Variants in OR5AS1 observed in about 807,000 individuals in gnomAD.
OR5AS1 encodes the protein olfactory receptor family 5 subfamily AS member 1.
For missense variants in OR5AS1, 492 were observed against 378.2 expected (o/e 1.30, Z -2.50); for synonymous variants, 196 against 141.7 (o/e 1.38, Z -2.72).
intron 1 of OR5AS1, among the ~76,000 whole-genome samples, chr11:56,028,921 G>T (rs560936679): frequency 6.6e-6 from 1 of 152,194 alleles, no homozygotes; most frequent in Non-Finnish European, 1.5e-5. Context: ...TATACATCCA[G>T]TTGTGAGGAT....
rs1268136932 is a variant in OR5AS1 at position 56,035,665 on chromosome 11, C to A, written c.*4272C>A. The A allele has an allele frequency of 6.6e-6, 1 of 152,064 alleles. No homozygotes were observed. The highest frequency in any genetic ancestry group is 2.4e-5 in the African/African-American group (1 of 41,360). The allele number at this position is 152,064 out of a possible 1,614,324, so 9.4% of individuals were successfully genotyped here. On this transcript the variant is annotated 3_prime_UTR_variant, in exon 2 of 2. Transcript: ENST00000641320. ...CAGTTCTTAGAGATCTATGAAGAGA[C>A]TTAGACTAACACACAAAAATAGTGG...
rs1220549155 is a variant in OR5AS1, at chr11:56,034,678, A to G, written c.*3285A>G. 1 of 152,148 alleles carries G rather than the reference A, an allele frequency of 6.6e-6. No homozygotes were observed. The highest frequency in any genetic ancestry group is 2.4e-5 in the African/African-American group (1 of 41,384). 9.4% of individuals were successfully genotyped at this position (152,148 alleles called of 1,614,324 possible). On this transcript the variant is annotated 3_prime_UTR_variant, in exon 2 of 2. Coordinates refer to ENST00000641320, the MANE Select transcript of OR5AS1 (RefSeq NM_001001921.2). ...GAGGGGGAGAATGGAACCAACTTGGAAAACACTCTTCAGGATATCATCCAG... is the reference window on the plus strand; with the variant it reads ...GAGGGGGAGAATGGAACCAACTTGGGAAACACTCTTCAGGATATCATCCAG...
Position 56,037,092 on chromosome 11 carries a change from C to T in OR5AS1, c.*5699C>T, listed in dbSNP as rs1375357255. On this transcript the variant is annotated 3_prime_UTR_variant, in exon 2 of 2. Coordinates refer to ENST00000641320, the MANE Select transcript of OR5AS1 (RefSeq NM_001001921.2). ...CTTCGTGCTAAAAACTCTCAATAAA[C>T]TAGGTATTGACAAACATATCTCCAA... is the stretch of plus-strand genomic sequence containing the variant. 6.6e-6 allele frequency: 1 copy of T among 152,032 alleles called. No individual in the cohort carries two copies. The highest frequency in any genetic ancestry group is 1.5e-5 in the Non-Finnish European group (1 of 68,022). 9.4% of individuals were successfully genotyped at this position (152,032 alleles called of 1,614,324 possible). A position where few individuals can be genotyped will look rare whatever the true frequency, so the allele number is the denominator to read the frequency against.
chr11:56,034,267 T>G lies in OR5AS1; in HGVS notation c.*2874T>G, dbSNP rs1224970855. On this transcript the variant is annotated 3_prime_UTR_variant, in exon 2 of 2. Coordinates refer to ENST00000641320, the MANE Select transcript of OR5AS1 (RefSeq NM_001001921.2). ...AATGAGTTTGATGAATTGATGGAAGTAATTGGGTAATAACAAATAGAAGAA... is the reference window on the plus strand; with the variant it reads ...AATGAGTTTGATGAATTGATGGAAGGAATTGGGTAATAACAAATAGAAGAA... 6.6e-6 allele frequency: 1 copy of G among 151,924 alleles called. No individual in the cohort carries two copies. The highest frequency in any genetic ancestry group is 1.5e-5 in the Non-Finnish European group (1 of 67,974). The allele number at this position is 151,924 out of a possible 1,614,324, so 9.4% of individuals were successfully genotyped here.
chr11:56,037,845 C>T lies in OR5AS1; in HGVS notation c.*6452C>T, dbSNP rs1853424593. On this transcript the variant is annotated 3_prime_UTR_variant, in exon 2 of 2. Coordinates refer to ENST00000641320, the MANE Select transcript of OR5AS1 (RefSeq NM_001001921.2). The stretch of plus-strand genomic sequence containing the variant: ...TAAGCAAAAAGAACAAAGCTGGAGG[C>T]ATCATGCTACCTGGCTTCAAACTAT... 1 of 151,978 alleles carries T rather than the reference C, an allele frequency of 6.6e-6. No homozygotes were observed. Among genetic ancestry groups the T allele is most frequent in the South Asian group, 2.1e-4 (1 of 4,826 alleles). The allele number at this position is 151,978 out of a possible 1,614,324, so 9.4% of individuals were successfully genotyped here.
rs572139786 is a variant in OR5AS1, at chr11:56,037,398, A to C, written c.*6005A>C. The C allele has an allele frequency of 1.3e-5, 2 of 152,264 alleles. No homozygotes were observed. The highest frequency in any genetic ancestry group is 1.3e-4 in the Admixed American group (2 of 15,288). The allele number at this position is 152,264 out of a possible 1,614,324, so 9.4% of individuals were successfully genotyped here. On this transcript the variant is annotated 3_prime_UTR_variant, in exon 2 of 2. Transcript: ENST00000641320. The stretch of plus-strand genomic sequence containing the variant: ...CAGGCCAAAATCTCCTTAAGCTGAT[A>C]AGCAACTTCAGCAAAATGTCAGGAT...
Position 56,027,712 on chromosome 11 carries a change from G to C in OR5AS1, c.-29G>C, listed in dbSNP as rs1408307036. 3.3e-5 allele frequency: 5 copies of C among 151,990 alleles called. No homozygotes were observed. The highest frequency in any genetic ancestry group is 5.9e-5 in the Non-Finnish European group (4 of 68,004). 9.4% of individuals were successfully genotyped at this position (151,990 alleles called of 1,614,324 possible). ...AATTCAAAGTTCTTGATGGTGCTGA[G>C]GTAAGTGATTTTTTCCCTAAAGCAT... is the stretch of plus-strand genomic sequence containing the variant. On this transcript the variant is annotated splice_region_variant and 5_prime_UTR_variant, in exon 1 of 2. Transcript: ENST00000641320.
chr11:56,029,925 C>T (rs1316477170), intron 1 of OR5AS1, among the ~76,000 whole-genome samples: 5 of 152,104 alleles, frequency 3.3e-5, no homozygotes, highest in African/African-American at 1.2e-4. Context: ...AACCTCCCAA[C>T]ATCACAGATA....
rs946953019 is a variant in OR5AS1 at position 56,037,272 on chromosome 11, G to T, written c.*5879G>T. 6.6e-6 allele frequency: 1 copy of T among 152,056 alleles called. No homozygotes were observed. Among genetic ancestry groups the T allele is most frequent in the African/African-American group, 2.4e-5 (1 of 41,344 alleles). 9.4% of individuals were successfully genotyped at this position (152,056 alleles called of 1,614,324 possible). ...TGAAAGTGCTGGCCAGGGCAATCAG[G>T]CAAGATAAAGAAATAAAGGATATTC... On this transcript the variant is annotated 3_prime_UTR_variant, in exon 2 of 2. Transcript: ENST00000641320.
chr11:56,030,119 G>T (rs972859212), intron 1 of OR5AS1, among the ~76,000 whole-genome samples: 1 of 152,048 alleles, frequency 6.6e-6, no homozygotes, highest in African/African-American at 2.4e-5. Flanking sequence ...CTTTCAGCTT[G>T]TAAAAACTAT....
chr11:56,037,472 GACAA>G lies in OR5AS1; in HGVS notation c.*6083_*6086del, dbSNP rs755589904. The G allele has an allele frequency of 1.3e-5, 2 of 152,010 alleles. No homozygotes were observed. Among genetic ancestry groups the G allele is most frequent in the African/African-American group, 2.4e-5 (1 of 41,312 alleles). 9.4% of individuals were successfully genotyped at this position (152,010 alleles called of 1,614,324 possible). A position where few individuals can be genotyped will look rare whatever the true frequency, so the allele number is the denominator to read the frequency against. ...CAAGCATTCCTATACACCAATAACA[GACAA>G]ACAGAGCCAAATCGAATGAACTGCC... On this transcript the variant is annotated 3_prime_UTR_variant, in exon 2 of 2. Transcript: ENST00000641320.
chr11:56,031,133 T>C lies in OR5AS1; in HGVS notation c.715T>C (p.Ser239Pro). The change falls in exon 2 of 2, where the codon TCC becomes CCC. Residue 239 changes from serine to proline, a missense_variant. By Grantham distance (74) the Ser-to-Pro change is moderately conservative. Transcript: ENST00000641320. Reference sequence around the variant, plus strand: ...CTCAGGTGGCAGAAGCAAAACATTCTCCACTTGTGCTTCCCACCTCATAGC... The same window carrying C: ...CTCAGGTGGCAGAAGCAAAACATTCCCCACTTGTGCTTCCCACCTCATAGC... ...KSSGGRSKTF[S>P]TCASHLIAVT... The C allele has an allele frequency of 6.2e-7, 1 of 1,614,112 alleles. No homozygotes were observed. The highest frequency in any genetic ancestry group is 8.5e-7 in the Non-Finnish European group (1 of 1,180,014).
chr11:56,027,991 T>G (rs180894210), intron 1 of OR5AS1, among the ~76,000 whole-genome samples: 3 of 152,154 alleles, frequency 2.0e-5, no homozygotes, highest in Admixed American at 2.0e-4. Flanking sequence ...CTATGCCTAT[T>G]AAGAATTTTT....
In OR5AS1 at chr11:56,037,942, A is replaced by AT. The variant is rs1853425864; in HGVS notation, c.*6550dup. The AT allele has an allele frequency of 6.6e-6, 1 of 152,112 alleles. No individual in the cohort carries two copies. Among genetic ancestry groups the AT allele is most frequent in the Non-Finnish European group, 1.5e-5 (1 of 68,028 alleles). 9.4% of individuals were successfully genotyped at this position (152,112 alleles called of 1,614,324 possible). The stretch of plus-strand genomic sequence containing the variant: ...CAGATATATAGACCAATGGAACAGA[A>AT]TAGAGGCCTCACAAATAACACCACA... On this transcript the variant is annotated 3_prime_UTR_variant, in exon 2 of 2. Coordinates refer to ENST00000641320, the MANE Select transcript of OR5AS1 (RefSeq NM_001001921.2).
At position 56,032,672 on chromosome 11, in the gene OR5AS1, T is replaced by C. The variant is rs148842715; in HGVS notation, c.*1279T>C. ...TTATATATGTAAAATTACTGGTATATGTATATGATTTGAAAATTAAATAAT... is the reference window on the plus strand; with the variant it reads ...TTATATATGTAAAATTACTGGTATACGTATATGATTTGAAAATTAAATAAT... On this transcript the variant is annotated 3_prime_UTR_variant, in exon 2 of 2. Coordinates refer to ENST00000641320, the MANE Select transcript of OR5AS1 (RefSeq NM_001001921.2). The C allele has an allele frequency of 1.7e-4, 26 of 152,262 alleles. No individual in the cohort carries two copies. In the South Asian group the frequency reaches 2.9e-3, roughly 17 times the overall value. 9.4% of individuals were successfully genotyped at this position (152,262 alleles called of 1,614,324 possible).
In OR5AS1 at chr11:56,031,092, T is replaced by C; in HGVS notation, c.674T>C (p.Val225Ala). 1.9e-6 allele frequency: 3 copies of C among 1,614,032 alleles called. No individual in the cohort carries two copies. Among genetic ancestry groups the C allele is most frequent in the Non-Finnish European group, 2.5e-6 (3 of 1,179,966 alleles). ...FISYFCILIT[V>A]LSIKSSGGRS... is the part of the protein sequence containing the mutation. ...TCTTACTTCTGCATCCTCATCACTG[T>C]GTTGAGCATCAAGTCCTCAGGTGGC... The change falls in exon 2 of 2, where the codon GTG (valine) becomes GCG (alanine). Residue 225 changes from valine (V) to alanine (A), a missense_variant. Val to Ala is a moderately conservative substitution (Grantham distance 64, BLOSUM62 0). Transcript: ENST00000641320.
At position 56,031,645 on chromosome 11, in the gene OR5AS1, T is replaced by A. The variant is rs188166215; in HGVS notation, c.*252T>A. 3.5e-6 allele frequency: 1 copy of A among 286,524 alleles called. No homozygotes were observed. Among genetic ancestry groups the A allele is most frequent in the Non-Finnish European group, 6.6e-6 (1 of 152,222 alleles). The allele number at this position is 286,524 out of a possible 1,614,324, so 17.7% of individuals were successfully genotyped here. On this transcript the variant is annotated 3_prime_UTR_variant, in exon 2 of 2. Transcript: ENST00000641320. The stretch of plus-strand genomic sequence containing the variant: ...TGTACATTGATTCTGTTCTTTACGA[T>A]GTTGTATTGAAGGTAAATATTGACT...
Position 56,031,548 on chromosome 11 carries a change from T to C in OR5AS1, c.*155T>C. On this transcript the variant is annotated 3_prime_UTR_variant, in exon 2 of 2. Coordinates refer to ENST00000641320, the MANE Select transcript of OR5AS1 (RefSeq NM_001001921.2). The stretch of plus-strand genomic sequence containing the variant: ...TCTTCCAAAAATGTTCTCTCCACAA[T>C]TCTACTCTATAAAACATTACCTAAT... 1.8e-6 allele frequency: 1 copy of C among 564,438 alleles called. No individual in the cohort carries two copies. The highest frequency in any genetic ancestry group is 3.1e-6 in the Non-Finnish European group (1 of 322,490). 35.0% of individuals were successfully genotyped at this position (564,438 alleles called of 1,614,324 possible).
rs1464932301 is a variant in OR5AS1 at position 56,033,598 on chromosome 11, A to T, written c.*2205A>T. The T allele has an allele frequency of 2.0e-5, 3 of 152,284 alleles. No individual in the cohort carries two copies. The South Asian group carries it at 6.2e-4, about 31-fold the overall frequency. The allele number at this position is 152,284 out of a possible 1,614,324, so 9.4% of individuals were successfully genotyped here. ...TAGATTCCTCCTCTCTGGGCAGGGG[A>T]TCTCTAAAAAAAAGGCAGCAGCCCC... On this transcript the variant is annotated 3_prime_UTR_variant, in exon 2 of 2. Transcript: ENST00000641320.
Sources: allele counts gnomAD v4.1 joint callset (sites outside exome capture counted in the v4.1 genomes callset), GRCh38; gene constraint gnomAD v4.1.1; transcripts MANE v1.5; gene names NCBI Gene and HGNC (gene_info 2026-07-23, HGNC 2026-07-21).